WDR25: variants seen among roughly 807,000 people sequenced by gnomAD.
The protein encoded by WDR25 is WD repeat-containing protein 25.
In WDR25, 35 loss-of-function variants were observed where a neutral mutation model predicts 47.7. The observed-to-expected ratio is 0.73, with a 90% CI of 0.56 to 0.97. WDR25 has a LOEUF of 0.97. Among genes scored for constraint, WDR25 ranks in the 50% least tolerant of loss-of-function variants. The pLI is 0.00. For synonymous variants in WDR25, 248 were observed against 278.9 expected, an observed-to-expected ratio of 0.89 and a Z score of 1.10; for missense variants, 634 against 704.7, an observed-to-expected ratio of 0.90 and a Z score of 1.14.
At chr14:100,451,694 G>A (rs1192726816) in intron 2 of WDR25, among the ~76,000 whole-genome samples, 2 of 152,166 alleles carry the variant, frequency 1.3e-5, no homozygotes, top group Non-Finnish European at 2.9e-5. Flanking sequence ...TAAGGTTCTT[G>A]TGGTGCCAGA....
chr14:100,458,750 T>C (rs1481108232), intron 2 of WDR25, among the ~76,000 whole-genome samples: 9 of 152,178 alleles, frequency 5.9e-5, no homozygotes, highest in Admixed American at 5.9e-4. Context: ...CAAAAGTATC[T>C]GGACAATTTC....
At chr14:100,518,758 A>T (rs1055674363) in intron 4 of WDR25, among the ~76,000 whole-genome samples, 1 of 151,976 alleles carries the variant, frequency 6.6e-6, no homozygotes, top group African/African-American at 2.4e-5. Flanking sequence ...AGGCATTGCA[A>T]CGTGTGCCTG....
intron 2 of WDR25, among the ~76,000 whole-genome samples, chr14:100,383,711 G>C (rs1317188779): frequency 1.3e-5 from 2 of 152,250 alleles, no homozygotes; most frequent in African/African-American, 4.8e-5. Context: ...TTTTTGAGCA[G>C]AGAGCACCTG....
chr14:100,444,743 C>T lies in WDR25; in HGVS notation c.823-23278C>T, dbSNP rs555804651. ...GGCTGTGTCTAGAAGGAGGCAGCGG[C>T]GAAACAGCTCATCGTCCTCCTCACG... On this transcript the variant is annotated intron_variant, in intron 2 of 6. Coordinates refer to ENST00000402312, the MANE Select transcript of WDR25 (RefSeq NM_001161476.3). 1.2e-4 allele frequency among the ~76,000 whole-genome samples: 18 copies of T among 152,302 alleles called. No individual in the cohort carries two copies. In the South Asian group the frequency reaches 1.2e-3, roughly 11 times the overall value.
chr14:100,378,184 T>G (rs1337109507), intron 1 of WDR25, among the ~76,000 whole-genome samples: 1 of 141,904 alleles, frequency 7.0e-6, no homozygotes, highest in African/African-American at 2.5e-5. Flanking sequence ...TTTTTTTTTT[T>G]TTGAGACGAA....
intron 2 of WDR25, among the ~76,000 whole-genome samples, chr14:100,396,801 C>A (rs1897270090): frequency 6.6e-6 from 1 of 152,226 alleles, no homozygotes; most frequent in African/African-American, 2.4e-5. Flanking sequence ...GCCAGACTGC[C>A]AGAGTTGTTT....
In WDR25 at chr14:100,381,357, A is replaced by G. The variant is rs1295871745; in HGVS notation, c.433A>G (p.Lys145Glu). 1.9e-6 allele frequency: 3 copies of G among 1,614,112 alleles called. No homozygotes were observed. Among genetic ancestry groups the G allele is most frequent in the African/African-American group, 1.3e-5 (1 of 74,930 alleles). The change falls in exon 2 of 7, where the codon AAG becomes GAG. Residue 145 changes from lysine (K) to glutamate (E), a missense_variant. By Grantham distance (56) the Lys-to-Glu change is moderately conservative. Coordinates refer to ENST00000402312, the MANE Select transcript of WDR25 (RefSeq NM_001161476.3). ...AGTAAAACTCTCCAGGAACTTTCCCAAGTCATCTTTCCATGCTCAAAGTGA... is the reference window on the plus strand; with the variant it reads ...AGTAAAACTCTCCAGGAACTTTCCCGAGTCATCTTTCCATGCTCAAAGTGA... ...KQVKLSRNFP[K>E]SSFHAQSESE...
chr14:100,518,286 T>G (rs778834709), intron 4 of WDR25, among the ~76,000 whole-genome samples: 3 of 152,232 alleles, frequency 2.0e-5, no homozygotes, highest in Admixed American at 2.0e-4. Context: ...TTTACCACTT[T>G]CAGTATGTTC....
Position 100,449,456 on chromosome 14 carries a change from G to A in WDR25, c.823-18565G>A, listed in dbSNP as rs1898951596. ...CTGAGAGTGGTCACCTCTATTCCGG[G>A]GCCCTGCCCTGGCTGGCTGTTGCAT... On this transcript the variant is annotated intron_variant, in intron 2 of 6. Coordinates refer to ENST00000402312, the MANE Select transcript of WDR25 (RefSeq NM_001161476.3). This position sits in a 1 kb window ranked among gnomAD's most constrained non-coding sequence, Gnocchi z 4.2. 6.6e-6 allele frequency among the ~76,000 whole-genome samples: 1 copy of A among 152,220 alleles called. No homozygotes were observed. The highest frequency in any genetic ancestry group is 2.1e-4 in the South Asian group (1 of 4,832).
chr14:100,490,941 T>C (rs1900541725), intron 4 of WDR25, among the ~76,000 whole-genome samples: 2 of 152,282 alleles, frequency 1.3e-5, no homozygotes, highest in Admixed American at 1.3e-4. Flanking sequence ...TAAGCTTTGC[T>C]GCAAGCTAAA....
rs1001721582 is a variant in WDR25 at position 100,428,668 on chromosome 14, C to G, written c.823-39353C>G. Among the ~76,000 whole-genome samples the G allele has an allele frequency of 6.6e-6, 1 of 152,210 alleles. No individual in the cohort carries two copies. The highest frequency in any genetic ancestry group is 3.2e-3 in the Middle Eastern group (1 of 316). On this transcript the variant is annotated intron_variant, in intron 2 of 6. Coordinates refer to ENST00000402312, the MANE Select transcript of WDR25 (RefSeq NM_001161476.3). This position sits in a 1 kb window ranked among gnomAD's most constrained non-coding sequence, Gnocchi z 4.3. ...GGTCTTATCCCTCGGAGGTGCTCTG[C>G]TGAGAGCTGCCCCTGTGAGGAGCCA...
At chr14:100,409,843 C>T (rs867957225) in intron 2 of WDR25, among the ~76,000 whole-genome samples, 4 of 152,160 alleles carry the variant, frequency 2.6e-5, no homozygotes, top group Admixed American at 6.5e-5. Flanking sequence ...AATTGCCTCT[C>T]GCGTGTATTG....
intron 2 of WDR25, among the ~76,000 whole-genome samples, chr14:100,413,879 T>C (rs2140196849): frequency 6.6e-6 from 1 of 152,350 alleles, no homozygotes; most frequent in East Asian, 1.9e-4. Context: ...CGTTCAGCCA[T>C]TTATCCCTTT....
Position 100,410,452 on chromosome 14 carries a change from C to G in WDR25, c.822+28706C>G, listed in dbSNP as rs553650494. On this transcript the variant is annotated intron_variant, in intron 2 of 6. Transcript: ENST00000402312. ...TGTGAGGGGCCAGCAATACCTAGCT[C>G]ACAGTCTAATAAATCAGTTAATTAA... is the stretch of plus-strand genomic sequence containing the variant. 2.3e-4 allele frequency among the ~76,000 whole-genome samples: 35 copies of G among 152,286 alleles called. 1 individual carries two copies. In the South Asian group the frequency reaches 6.4e-3, roughly 28 times the overall value.
At chr14:100,420,311 C>CT (rs1897990157) in intron 2 of WDR25, among the ~76,000 whole-genome samples, 1 of 150,614 alleles carries the variant, frequency 6.6e-6, no homozygotes, top group African/African-American at 2.5e-5. Context: ...CTTGTAAGCA[C>CT]ATTTTTTTTT....
chr14:100,495,521 G>A (rs7494110), intron 4 of WDR25, among the ~76,000 whole-genome samples: 1 of 152,232 alleles, frequency 6.6e-6, no homozygotes, highest in African/African-American at 2.4e-5. Flanking sequence ...AGGTCTTCCA[G>A]AGTTTTTAAT....
chr14:100,485,531 T>C (rs1162845104), intron 4 of WDR25, among the ~76,000 whole-genome samples: 2 of 152,184 alleles, frequency 1.3e-5, no homozygotes, highest in African/African-American at 2.4e-5. Context: ...AGGATGTCTA[T>C]GGGGACTTGG....
chr14:100,401,461 G>T (rs752755841), intron 2 of WDR25, among the ~76,000 whole-genome samples: 6 of 152,142 alleles, frequency 3.9e-5, no homozygotes, highest in Non-Finnish European at 7.4e-5. Context: ...GGCAGGGGTG[G>T]CCCTGAGCAC....
At chr14:100,509,530 T>C (rs1441610918) in intron 4 of WDR25, among the ~76,000 whole-genome samples, 2 of 152,210 alleles carry the variant, frequency 1.3e-5, no homozygotes, top group East Asian at 1.9e-4. Context: ...AAAAATGTCT[T>C]TATTTTTCCT....
Sources: allele counts gnomAD v4.1 joint callset (sites outside exome capture counted in the v4.1 genomes callset), GRCh38; gene constraint gnomAD v4.1.1; non-coding constraint Gnocchi (gnomAD v3.1); transcripts MANE v1.5; gene names NCBI Gene and HGNC (gene_info 2026-07-23, HGNC 2026-07-21).